The following STX7 variants were observed in gnomAD, a reference collection of about 807,000 sequenced individuals.
STX7 encodes the protein syntaxin-7.
A neutral mutation model predicts 39.6 loss-of-function variants in STX7; 34 were observed. The observed-to-expected ratio is 0.86, with a 90% CI of 0.65 to 1.14. The LOEUF (loss-of-function observed/expected upper bound fraction) is 1.14. STX7 is among the 50% of genes most tolerant of loss of function. STX7 has a pLI of 0.00. For missense variants in STX7, 284 were observed against 310.4 expected (o/e 0.92, Z 0.64); for synonymous variants, 119 against 99.1 (o/e 1.20, Z -1.19).
intron 9 of STX7, chr6:132,461,970 G>C (rs946159355): frequency 2.0e-6 from 2 of 1,021,032 alleles, no homozygotes; most frequent in Admixed American, 5.3e-5. Context: ...ACCATAAATA[G>C]TTTGAATATT....
intron 1 of STX7, among the ~76,000 whole-genome samples, chr6:132,508,822 T>C (rs374661782): frequency 6.6e-6 from 1 of 152,256 alleles, no homozygotes. Context: ...AGGAATCATG[T>C]GTGAAGAATG....
At position 132,457,526 on chromosome 6, in the gene STX7, G is replaced by GT. The variant is rs1184058518; in HGVS notation, c.*3231dup. 1 of 152,196 alleles carries GT rather than the reference G, an allele frequency of 6.6e-6. No individual in the cohort carries two copies. 9.4% of individuals were successfully genotyped at this position (152,196 alleles called of 1,614,324 possible). A position where few individuals can be genotyped will look rare whatever the true frequency, so the allele number is the denominator to read the frequency against. ...AATTTTGTCAAAGAAGCAGTACACTGTAACACTTTCAGGCTCCCATTGGTT... is the reference window on the plus strand; with the variant it reads ...AATTTTGTCAAAGAAGCAGTACACTGTTAACACTTTCAGGCTCCCATTGGTT... On this transcript the variant is annotated 3_prime_UTR_variant, in exon 10 of 10. Transcript: ENST00000367941.
chr6:132,488,898 G>C (rs1775207294), intron 2 of STX7, among the ~76,000 whole-genome samples: 1 of 151,998 alleles, frequency 6.6e-6, no homozygotes, highest in African/African-American at 2.4e-5. Flanking sequence ...GGGTGGTTTG[G>C]AGTGTTAAAC....
chr6:132,467,424 C>T (rs1158263324), intron 8 of STX7, among the ~76,000 whole-genome samples: 2 of 152,116 alleles, frequency 1.3e-5, no homozygotes, highest in South Asian at 2.1e-4. Context: ...CAGTCCCATC[C>T]CTCTACCCTG....
At position 132,464,201 on chromosome 6, in the gene STX7, CA is replaced by C. The variant is rs1312969131; in HGVS notation, c.611-127del. On this transcript the variant is annotated intron_variant, in intron 8 of 9. Coordinates refer to ENST00000367941, the MANE Select transcript of STX7 (RefSeq NM_003569.3). ...TATTCAAAGGTTAATAGTAGTATAT[CA>C]TAAAGTTGAATTTTTTTAAGCTGGC... 3.2e-6 allele frequency: 3 copies of C among 926,494 alleles called. No individual in the cohort carries two copies. The African/African-American group carries it at 5.0e-5, about 15-fold the overall frequency. The allele number at this position is 926,494 out of a possible 1,614,324, so 57.4% of individuals were successfully genotyped here. A position where few individuals can be genotyped will look rare whatever the true frequency, so the allele number is the denominator to read the frequency against.
chr6:132,465,733 C>T (rs551992359), intron 8 of STX7, among the ~76,000 whole-genome samples: 2 of 152,172 alleles, frequency 1.3e-5, no homozygotes, highest in Admixed American at 6.5e-5. Flanking sequence ...CATTTCCACA[C>T]GTTTTCATGA....
chr6:132,484,757 A>T (rs1362014228), intron 2 of STX7, among the ~76,000 whole-genome samples: 2 of 152,202 alleles, frequency 1.3e-5, no homozygotes, highest in Admixed American at 6.5e-5. Context: ...AAGGCTGACC[A>T]GCAAGTAGAG....
intron 9 of STX7, among the ~76,000 whole-genome samples, chr6:132,462,582 G>GGTGTGTGT (rs71952617): frequency 0.012 from 1,772 of 144,972 alleles, 36 homozygotes; most frequent in African/African-American, 0.037. Context: ...CATTTGCAGG[G>GGTGTGTGT]GTGTGTGTGT....
At chr6:132,467,683 T>C (rs1210299238) in intron 8 of STX7, among the ~76,000 whole-genome samples, 1 of 152,160 alleles carries the variant, frequency 6.6e-6, no homozygotes, top group East Asian at 1.9e-4. Flanking sequence ...AGGGTAAGAA[T>C]GGATAAAAAA....
At position 132,459,364 on chromosome 6, in the gene STX7, G is replaced by A. The variant is rs17794667; in HGVS notation, c.*1394C>T. The stretch of plus-strand genomic sequence containing the variant: ...CGATGACACCCTAAAATAAAAACCT[G>A]GAGTGAACTGGTGCTCCAGAAAGAT... On this transcript the variant is annotated 3_prime_UTR_variant, in exon 10 of 10. Coordinates refer to ENST00000367941, the MANE Select transcript of STX7 (RefSeq NM_003569.3). 0.025 allele frequency: 3,763 copies of A among 152,308 alleles called. 62 individuals are homozygous for A. Among genetic ancestry groups the A allele is most frequent in the Non-Finnish European group, 0.039 (2,676 of 68,022 alleles). The allele number at this position is 152,308 out of a possible 1,614,324, so 9.4% of individuals were successfully genotyped here.
rs78150816 is a variant in STX7, at chr6:132,482,678, A to T, written c.86-7016T>A. On this transcript the variant is annotated intron_variant, in intron 2 of 9. Coordinates refer to ENST00000367941, the MANE Select transcript of STX7 (RefSeq NM_003569.3). ...ATAAGTGTGTCTAGATTGAAGAAGT[A>T]ATTTGAAGGAGTTGAATTGAGATGT... 3.9e-3 allele frequency among the ~76,000 whole-genome samples: 591 copies of T among 152,294 alleles called. 3 individuals are homozygous for T. The highest frequency in any genetic ancestry group is 6.6e-3 in the Non-Finnish European group (446 of 68,012).
intron 2 of STX7, among the ~76,000 whole-genome samples, chr6:132,486,305 A>ATTCTGTCT: frequency 6.6e-6 from 1 of 152,338 alleles, no homozygotes; most frequent in South Asian, 2.1e-4. Flanking sequence ...AAAGGAAAGC[A>ATTCTGTCT]TTCTGTCTTT....
At chr6:132,486,658 T>A (rs574601627) in intron 2 of STX7, among the ~76,000 whole-genome samples, 9 of 147,654 alleles carry the variant, frequency 6.1e-5, no homozygotes, top group Admixed American at 4.1e-4. Flanking sequence ...TAGTGTTTTT[T>A]TCTGGGTTTT....
rs1000990744 is a variant in STX7 at position 132,457,770 on chromosome 6, A to C, written c.*2988T>G. ...AAATGTCATTCAACTCAAATCCCTCAATCAACTTACTTCAGCCCATTCTGA... is the reference window on the plus strand; with the variant it reads ...AAATGTCATTCAACTCAAATCCCTCCATCAACTTACTTCAGCCCATTCTGA... On this transcript the variant is annotated 3_prime_UTR_variant, in exon 10 of 10. Transcript: ENST00000367941. 1 of 152,192 alleles carries C rather than the reference A, an allele frequency of 6.6e-6. No individual in the cohort carries two copies. Among genetic ancestry groups the C allele is most frequent in the Non-Finnish European group, 1.5e-5 (1 of 68,036 alleles). The allele number at this position is 152,192 out of a possible 1,614,324, so 9.4% of individuals were successfully genotyped here. A position where few individuals can be genotyped will look rare whatever the true frequency, so the allele number is the denominator to read the frequency against.
At chr6:132,476,659 C>T (rs911814958) in intron 2 of STX7, among the ~76,000 whole-genome samples, 1 of 152,050 alleles carries the variant, frequency 6.6e-6, no homozygotes, top group Non-Finnish European at 1.5e-5. Context: ...CTGGCAAATC[C>T]AGGTGAAAGG....
chr6:132,479,027 C>G (rs1582660449), intron 2 of STX7, among the ~76,000 whole-genome samples: 1 of 152,156 alleles, frequency 6.6e-6, no homozygotes, highest in East Asian at 1.9e-4. Context: ...TCTTAGATGC[C>G]TGCAAAGCAT....
At chr6:132,488,263 A>C (rs995233546) in intron 2 of STX7, among the ~76,000 whole-genome samples, 1 of 152,188 alleles carries the variant, frequency 6.6e-6, no homozygotes, top group Middle Eastern at 3.2e-3. Flanking sequence ...TATGACTTGA[A>C]TCTTTTAAAG....
chr6:132,463,323 T>C (rs1774466084), intron 9 of STX7, among the ~76,000 whole-genome samples: 1 of 152,218 alleles, frequency 6.6e-6, no homozygotes, highest in Non-Finnish European at 1.5e-5. Context: ...CCAAAGAGCC[T>C]GGCCTTATCC....
chr6:132,482,315 G>GAGC (rs1309871068), intron 2 of STX7, among the ~76,000 whole-genome samples: 23 of 152,074 alleles, frequency 1.5e-4, no homozygotes, highest in African/African-American at 5.1e-4. Flanking sequence ...CCTTTAAATT[G>GAGC]AGCAGGTCTA....
Sources: gnomAD v4.1 joint callset for allele counts (sites outside exome capture counted in the v4.1 genomes callset) on GRCh38, gnomAD v4.1.1 for gene constraint, MANE v1.5 for transcripts, NCBI Gene and HGNC (gene_info 2026-07-23, HGNC 2026-07-21) for gene names.